Variants in ACY3 observed in about 807,000 individuals in gnomAD.
ACY3 encodes the protein aminoacylase 3.
Under a neutral mutation model 24.6 loss-of-function variants are expected in ACY3, and 20 were observed. The observed-to-expected ratio is 0.81, with a 90% CI of 0.57 to 1.18. The LOEUF is 1.18. Ranked by LOEUF, ACY3 falls within the 50% of genes most tolerant of loss-of-function variation. The probability of loss-of-function intolerance (pLI) is 0.00; values close to 1 mark genes in which losing one functional copy is unlikely to be tolerated. For missense variants in ACY3, 423 were observed against 426.8 expected (o/e 0.99, Z 0.08); for synonymous variants, 174 against 188.4 (o/e 0.92, Z 0.62).
At chr11:67,645,658 C>A (rs760852833) in intron 4 of ACY3, 34 bp downstream of exon 4, 9 of 1,570,850 alleles carry the variant, frequency 5.7e-6, no homozygotes, top group African/African-American at 5.4e-5. Context: ...TCCCACTCCC[C>A]TCTGGGGAGC....
In ACY3 at chr11:67,645,730, G is replaced by A; in HGVS notation, c.394C>T (p.His132Tyr). Residue 132 changes from histidine to tyrosine, a missense_variant, in exon 4 of 8, where the codon CAC becomes TAC. Physicochemically the swap from His to Tyr is moderately conservative, Grantham distance 83. Coordinates refer to ENST00000255082, the MANE Select transcript of ACY3 (RefSeq NM_080658.2). ...CACAGGTGCATGGCAAAGACTTCGT[G>A]GGAGGACTTCGCGATTAAGCAGGTG... ...MGTCLIAKSS[H>Y]EVFAMHLCRH... The A allele has an allele frequency of 6.2e-7, 1 of 1,612,808 alleles. No individual in the cohort carries two copies. Among genetic ancestry groups the A allele is most frequent in the Non-Finnish European group, 8.5e-7 (1 of 1,179,648 alleles).
chr11:67,642,661 G>T lies in ACY3; in HGVS notation c.*63C>A, dbSNP rs181300164. On this transcript the variant is annotated 3_prime_UTR_variant, in exon 8 of 8. Coordinates refer to ENST00000255082, the MANE Select transcript of ACY3 (RefSeq NM_080658.2). Reference sequence around the variant, plus strand: ...GTGGCAGAAGGGACCTCTGTGCTCAGAGCTGTGCCTCAGGACCCATCGTTC... The same window carrying T: ...GTGGCAGAAGGGACCTCTGTGCTCATAGCTGTGCCTCAGGACCCATCGTTC... The T allele has an allele frequency of 4.5e-6, 7 of 1,559,902 alleles. No homozygotes were observed. Among genetic ancestry groups the T allele is most frequent in the Non-Finnish European group, 2.7e-6 (3 of 1,131,342 alleles).
chr11:67,649,733 A>ATGTGTGCG (rs1555033208), intron 1 of ACY3, among the ~76,000 whole-genome samples: 1 of 112,828 alleles, frequency 8.9e-6, no homozygotes, highest in African/African-American at 3.8e-5. Context: ...GCATGAGAGC[A>ATGTGTGCG]TGTGTGCGTG....
chr11:67,642,613 G>T lies in ACY3; in HGVS notation c.*111C>A. 2.6e-6 allele frequency: 3 copies of T among 1,170,624 alleles called. No homozygotes were observed. The highest frequency in any genetic ancestry group is 1.3e-5 in the South Asian group (1 of 78,638). The allele number at this position is 1,170,624 out of a possible 1,614,324, so 72.5% of individuals were successfully genotyped here. On this transcript the variant is annotated 3_prime_UTR_variant, in exon 8 of 8. Coordinates refer to ENST00000255082, the MANE Select transcript of ACY3 (RefSeq NM_080658.2). The stretch of plus-strand genomic sequence containing the variant: ...TGAGGCCAGGGGTTGGGGAGGCCTG[G>T]CAAGGAACATGGTGCATGGTAGGTG...
rs556429575 is a variant in ACY3 at position 67,642,570 on chromosome 11, T to C, written c.*154A>G. Reference sequence around the variant, plus strand: ...ACCATGGACCTCTGGACATCTTCCATTTTATAGAAAGGGAAATTGAGGCCA... The same window carrying C: ...ACCATGGACCTCTGGACATCTTCCACTTTATAGAAAGGGAAATTGAGGCCA... On this transcript the variant is annotated 3_prime_UTR_variant, in exon 8 of 8. Transcript: ENST00000255082. 22 of 741,644 alleles carry C rather than the reference T, an allele frequency of 3.0e-5. No homozygotes were observed. The highest frequency in any genetic ancestry group is 5.1e-5 in the Non-Finnish European group (22 of 435,314). 45.9% of individuals were successfully genotyped at this position (741,644 alleles called of 1,614,324 possible). A position where few individuals can be genotyped will look rare whatever the true frequency, so the allele number is the denominator to read the frequency against.
intron 2 of ACY3, 68 bp from the exon 3 acceptor site, chr11:67,647,131 C>A (rs913188342): frequency 1.7e-6 from 2 of 1,175,896 alleles, no homozygotes; most frequent in Non-Finnish European, 2.3e-6. Flanking sequence ...GCAAGGATGG[C>A]GGTGGGAGGC....
rs1172627184 is a variant in ACY3, at chr11:67,645,052, G to A, written c.627C>T (p.Phe209=). ...VATVLDFIEL[F]NQGTAFPAFE... is the part of the protein sequence containing the mutation. Reference sequence around the variant, plus strand: ...AGTCCCCTGGGGTCTCACCCTGGTTGAAGAGTTCGATGAAGTCCAGAACTG... The same window carrying A: ...AGTCCCCTGGGGTCTCACCCTGGTTAAAGAGTTCGATGAAGTCCAGAACTG... The change falls in exon 6 of 8, where the codon TTC becomes TTT. Residue 209 remains phenylalanine (F), a synonymous_variant. Transcript: ENST00000255082. 6.2e-7 allele frequency: 1 copy of A among 1,613,848 alleles called. No individual in the cohort carries two copies. The highest frequency in any genetic ancestry group is 1.1e-5 in the South Asian group (1 of 91,084).
At chr11:67,643,172 C>A (rs965266854) in intron 7 of ACY3, among the ~76,000 whole-genome samples, 1 of 152,228 alleles carries the variant, frequency 6.6e-6, no homozygotes, top group African/African-American at 2.4e-5. Context: ...GGAAGTGGAC[C>A]CTCATGGATA....
At chr11:67,649,134 C>T (rs1254610387) in intron 1 of ACY3, among the ~76,000 whole-genome samples, 1 of 152,148 alleles carries the variant, frequency 6.6e-6, no homozygotes, top group Non-Finnish European at 1.5e-5. Context: ...GAGAGGGAGT[C>T]AGCAGAGGAG....
intron 4 of ACY3, 39 bp from the exon 5 acceptor site, chr11:67,645,419 T>A (rs746529657): frequency 9.4e-6 from 15 of 1,595,358 alleles, no homozygotes; most frequent in South Asian, 1.1e-5. Flanking sequence ...CCAGGCCTAC[T>A]TGGGAAGGGA....
Position 67,646,852 on chromosome 11 carries a change from G to T in ACY3, c.192C>A (p.Tyr64Ter), listed in dbSNP as rs778074437. 2 of 1,612,688 alleles carry T rather than the reference G, an allele frequency of 1.2e-6. No individual in the cohort carries two copies. The highest frequency in any genetic ancestry group is 1.1e-5 in the South Asian group (1 of 91,060). ...NPAATSGCRR[Y>*]VDHDLNRTFT... ...AGGTGCGGTTGAGGTCATGGTCCAC[G>T]TAGCGGCGGCAGCCGGATGTGGCTG... Residue 64 changes from tyrosine (Y) to a stop codon, truncating the protein, a stop_gained, in exon 3 of 8, where the codon TAC becomes TAA. Coordinates refer to ENST00000255082, the MANE Select transcript of ACY3 (RefSeq NM_080658.2). LOFTEE classifies it high-confidence loss of function.
intron 6 of ACY3, 49 bp downstream of exon 6, chr11:67,644,996 G>A (rs1855483359): frequency 1.2e-6 from 2 of 1,602,398 alleles, no homozygotes; most frequent in Non-Finnish European, 8.5e-7. Flanking sequence ...CCCTGAGCCA[G>A]ACCTGCTCTT....
At chr11:67,646,750 T>C in intron 3 of ACY3, 58 bp downstream of exon 3, 2 of 1,538,506 alleles carry the variant, frequency 1.3e-6, no homozygotes, top group Admixed American at 1.8e-5. Context: ...GAGGGAAGTT[T>C]TGTGGTGGGG....
In ACY3 at chr11:67,644,732, CCACACA is replaced by C. The variant is rs3223257; in HGVS notation, c.744+22_744+27del. Reference sequence around the variant, plus strand: ...CTGTGGCCCCAGAAATCACCCCCCACCACACACACACACACACACACACACACCTGC... The same window carrying C: ...CTGTGGCCCCAGAAATCACCCCCCACCACACACACACACACACACACCTGC... On this transcript the variant is annotated intron_variant, in intron 7 of 7. Transcript: ENST00000255082. 7,058 of 1,316,750 alleles carry C rather than the reference CCACACA, an allele frequency of 5.4e-3. 208 individuals are homozygous for C. The African/African-American group carries it at 0.088, about 16-fold the overall frequency. The allele number at this position is 1,316,750 out of a possible 1,614,324, so 81.6% of individuals were successfully genotyped here.
At position 67,642,878 on chromosome 11, in the gene ACY3, T is replaced by C. The variant is rs976727601; in HGVS notation, c.806A>G (p.Asp269Gly). Residue 269 changes from aspartate to glycine, a missense_variant, in exon 8 of 8, where the codon GAC becomes GGC. Transcript: ENST00000255082. ...APIFQMFSGEDLLYEGESTVY... is the reference protein window; with the variant it reads ...APIFQMFSGEGLLYEGESTVY... ...CGTGGACTCTCCCTCATAGAGCAGG[T>C]CCTCCCCACTGAACATCTGGAAGAT... is the stretch of plus-strand genomic sequence containing the variant. 2 of 1,613,992 alleles carry C rather than the reference T, an allele frequency of 1.2e-6. No homozygotes were observed. Among genetic ancestry groups the C allele is most frequent in the African/African-American group, 1.3e-5 (1 of 75,020 alleles).
rs1249677795 is a variant in ACY3 at position 67,650,628 on chromosome 11, C to A, written c.-140G>T. 6.6e-6 allele frequency: 1 copy of A among 152,230 alleles called. No homozygotes were observed. Among genetic ancestry groups the A allele is most frequent in the East Asian group, 1.9e-4 (1 of 5,178 alleles). 9.4% of individuals were successfully genotyped at this position (152,230 alleles called of 1,614,324 possible). On this transcript the variant is annotated 5_prime_UTR_variant, in exon 1 of 8. Coordinates refer to ENST00000255082, the MANE Select transcript of ACY3 (RefSeq NM_080658.2). Reference sequence around the variant, plus strand: ...GAGGGTGACTCCCGGGGATCTTCTGCTTGCTGCGTGGCCCGTGGGGCTGTC... The same window carrying A: ...GAGGGTGACTCCCGGGGATCTTCTGATTGCTGCGTGGCCCGTGGGGCTGTC...
Position 67,644,803 on chromosome 11 carries a change from G to T in ACY3, c.701C>A (p.Thr234Asn), listed in dbSNP as rs1272509163. Residue 234 changes from threonine (T) to asparagine (N), a missense_variant, in exon 7 of 8, where the codon ACC (threonine) becomes AAC (asparagine). Thr to Asn is a moderately conservative substitution (Grantham distance 65). Coordinates refer to ENST00000255082, the MANE Select transcript of ACY3 (RefSeq NM_080658.2). The part of the protein sequence containing the change: ...RPVGVVDFPR[T>N]EAGHLAGTVH... ...AGTGCCTGCCAGGTGCCCGGCCTCGGTGCGGGGGAAGTCCACGACGCCCAC... is the reference window on the plus strand; with the variant it reads ...AGTGCCTGCCAGGTGCCCGGCCTCGTTGCGGGGGAAGTCCACGACGCCCAC... The T allele has an allele frequency of 6.4e-7, 1 of 1,568,588 alleles. No homozygotes were observed. The highest frequency in any genetic ancestry group is 8.6e-7 in the Non-Finnish European group (1 of 1,157,124).
rs201518103 is a variant in ACY3, at chr11:67,645,024, G to A, written c.634+21C>T. ...CTGCTCTTCCCCGGACCTGTTTCCC[G>A]AAAGTCCCCTGGGGTCTCACCCTGG... On this transcript the variant is annotated intron_variant, in intron 6 of 7. Transcript: ENST00000255082. The A allele has an allele frequency of 9.2e-5, 148 of 1,612,070 alleles. No homozygotes were observed. The East Asian group carries it at 2.9e-3, about 31-fold the overall frequency.
chr11:67,648,577 C>T (rs771569467), intron 1 of ACY3, among the ~76,000 whole-genome samples: 30 of 152,158 alleles, frequency 2.0e-4, no homozygotes, highest in Non-Finnish European at 4.1e-4. Flanking sequence ...GAGCTGGAGC[C>T]TCCCCCAGGC....
Sources: allele counts gnomAD v4.1 joint callset (sites outside exome capture counted in the v4.1 genomes callset), GRCh38; gene constraint gnomAD v4.1.1; transcripts MANE v1.5; gene names NCBI Gene and HGNC (gene_info 2026-07-23, HGNC 2026-07-21).